Variants in GRID1 observed in about 807,000 individuals in gnomAD.
GRID1 encodes glutamate receptor ionotropic, delta-1.
In GRID1, 28 loss-of-function variants were observed where a neutral mutation model predicts 98.0. The ratio of observed to expected loss-of-function variants is 0.29; its 90% CI spans 0.21 to 0.39. The LOEUF is 0.39. Ranked by LOEUF, GRID1 falls within the 10% of genes least tolerant of loss-of-function variation. The pLI, the probability that GRID1 is intolerant of heterozygous loss-of-function variation, is 1.00. For missense variants in GRID1, 1,111 were observed against 1,340.5 expected, an observed-to-expected ratio of 0.83 and a Z score of 2.67; for synonymous variants, 553 against 538.5, an observed-to-expected ratio of 1.03 and a Z score of -0.37.
intron 4 of GRID1, among the ~76,000 whole-genome samples, chr10:86,137,830 T>G (rs758144978): frequency 6.6e-6 from 1 of 152,182 alleles, no homozygotes; most frequent in Non-Finnish European, 1.5e-5. Flanking sequence ...TCCCCAGCAG[T>G]GGGCTTTGGG....
chr10:86,317,478 A>T (rs1455949833), intron 2 of GRID1, among the ~76,000 whole-genome samples: 1 of 152,222 alleles, frequency 6.6e-6, no homozygotes, highest in East Asian at 1.9e-4. Flanking sequence ...ACCCACAATT[A>T]CATCTCACCT....
At chr10:85,636,202 A>T (rs916369466) in intron 13 of GRID1, among the ~76,000 whole-genome samples, 3 of 152,358 alleles carry the variant, frequency 2.0e-5, no homozygotes, top group East Asian at 3.9e-4. Context: ...ATAAGAAAGG[A>T]TACAAAAATC....
intron 2 of GRID1, among the ~76,000 whole-genome samples, chr10:86,292,522 CT>C (rs1339855300): frequency 1.3e-5 from 2 of 152,246 alleles, no homozygotes; most frequent in Non-Finnish European, 1.5e-5. Context: ...AGCGTCGCCC[CT>C]GGCACCTCCT....
At chr10:85,709,378 TCAGA>T (rs1194365991) in intron 12 of GRID1, among the ~76,000 whole-genome samples, 1 of 152,262 alleles carries the variant, frequency 6.6e-6, no homozygotes, top group African/African-American at 2.4e-5. Flanking sequence ...AATATTTGAT[TCAGA>T]CAGTTTATGG....
At chr10:85,883,597 G>A (rs572355466) in intron 5 of GRID1, among the ~76,000 whole-genome samples, 55 of 140,888 alleles carry the variant, frequency 3.9e-4, no homozygotes, top group African/African-American at 4.8e-4. Flanking sequence ...GTTTTTTTCC[G>A]TCATGTACGT....
chr10:86,095,218 G>A (rs1211353888), intron 4 of GRID1, among the ~76,000 whole-genome samples: 2 of 152,114 alleles, frequency 1.3e-5, no homozygotes, highest in Admixed American at 1.3e-4. Context: ...GATGGATTAA[G>A]GACTTAAACC....
At chr10:85,786,318 G>C (rs774064488) in intron 8 of GRID1, among the ~76,000 whole-genome samples, 1 of 152,184 alleles carries the variant, frequency 6.6e-6, no homozygotes, top group Non-Finnish European at 1.5e-5. Context: ...GAAACTGGGC[G>C]CTGAGGGCAT....
At chr10:85,728,127 G>A in intron 9 of GRID1, 75 bp from the exon 10 acceptor site, 1 of 1,059,280 alleles carries the variant, frequency 9.4e-7, no homozygotes, top group Non-Finnish European at 1.5e-6. Context: ...TAATGTTAGA[G>A]AGAAAGATCT....
intron 4 of GRID1, among the ~76,000 whole-genome samples, chr10:86,029,629 C>T (rs7920284): frequency 6.6e-6 from 1 of 151,888 alleles, no homozygotes; most frequent in Non-Finnish European, 1.5e-5. Context: ...GTCATTAAAT[C>T]CTAGTCACAT....
At chr10:85,692,589 C>T (rs553701249) in intron 12 of GRID1, among the ~76,000 whole-genome samples, 67 of 151,458 alleles carry the variant, frequency 4.4e-4, no homozygotes, top group Non-Finnish European at 8.5e-4. Context: ...ATAACTTGAG[C>T]CCGGGAGGCA....
intron 2 of GRID1, among the ~76,000 whole-genome samples, chr10:86,360,816 C>T (rs1376507586): frequency 6.6e-6 from 1 of 152,176 alleles, no homozygotes; most frequent in Non-Finnish European, 1.5e-5. Flanking sequence ...TCCAGGGTCA[C>T]ACCACGAGTG....
intron 8 of GRID1, among the ~76,000 whole-genome samples, chr10:85,804,555 G>GA (rs975498512): frequency 6.6e-6 from 1 of 151,356 alleles, no homozygotes; most frequent in Admixed American, 6.6e-5. Context: ...GACATTACAA[G>GA]AAAAAAATCA....
intron 8 of GRID1, among the ~76,000 whole-genome samples, chr10:85,831,010 G>A (rs1365797721): frequency 6.6e-6 from 1 of 152,074 alleles, no homozygotes; most frequent in African/African-American, 2.4e-5. Context: ...ACATACACAT[G>A]TAGGTTCACT....
chr10:85,658,194 C>T (rs1434650902), intron 12 of GRID1, among the ~76,000 whole-genome samples: 2 of 152,168 alleles, frequency 1.3e-5, no homozygotes, highest in African/African-American at 2.4e-5. Flanking sequence ...TCTCTCCCTG[C>T]TAATATTAGT....
chr10:85,982,464 G>A (rs1387958518), intron 4 of GRID1, among the ~76,000 whole-genome samples: 1 of 152,208 alleles, frequency 6.6e-6, no homozygotes, highest in African/African-American at 2.4e-5. Flanking sequence ...CAAGGGTGAA[G>A]TGCAACCATC....
At chr10:85,608,959 A>G (rs140717067) in intron 15 of GRID1, among the ~76,000 whole-genome samples, 1 of 152,134 alleles carries the variant, frequency 6.6e-6, no homozygotes, top group Non-Finnish European at 1.5e-5. Context: ...AGGTTCAGAT[A>G]ATGTAAATGT....
At position 86,226,947 on chromosome 10, in the gene GRID1, C is replaced by T. The variant is rs140187444; in HGVS notation, c.236-20299G>A. Among the ~76,000 whole-genome samples, 469 of 152,276 alleles carry T rather than the reference C, an allele frequency of 3.1e-3. 9 individuals are homozygous for T. The East Asian group carries it at 0.053, about 17-fold the overall frequency. On this transcript the variant is annotated intron_variant, in intron 2 of 15. Transcript: ENST00000327946. ...TGCTGCTTTTCCTGATTTGGTGCTGCATGCCCTGCTGGCACAGGCCTCCTG... is the reference window on the plus strand; with the variant it reads ...TGCTGCTTTTCCTGATTTGGTGCTGTATGCCCTGCTGGCACAGGCCTCCTG...
intron 2 of GRID1, among the ~76,000 whole-genome samples, chr10:86,342,960 C>T (rs1175017568): frequency 1.3e-5 from 2 of 152,188 alleles, no homozygotes; most frequent in African/African-American, 4.8e-5. Flanking sequence ...CCACAGTAGG[C>T]ACTCAGGAAA....
chr10:86,225,162 A>G (rs1846320197), intron 2 of GRID1, among the ~76,000 whole-genome samples: 1 of 152,152 alleles, frequency 6.6e-6, no homozygotes. Flanking sequence ...GGAGGAAGGT[A>G]GGGGCTGACA....
Sources: allele counts gnomAD v4.1 joint callset (sites outside exome capture counted in the v4.1 genomes callset), GRCh38; gene constraint gnomAD v4.1.1; transcripts MANE v1.5; gene names NCBI Gene and HGNC (gene_info 2026-07-23, HGNC 2026-07-21).